Variants in SH3BP2 observed in about 807,000 individuals in gnomAD.
SH3BP2 encodes SH3 domain-binding protein 2.
A neutral mutation model predicts 56.2 loss-of-function variants in SH3BP2; 38 were observed. That is an observed-to-expected ratio of 0.68 (90% CI 0.52 to 0.89). SH3BP2 has a LOEUF of 0.89. SH3BP2 is among the 40% of genes least tolerant of loss of function. SH3BP2 has a pLI of 0.00. For synonymous variants in SH3BP2, 346 were observed against 316.7 expected (o/e 1.09, Z -0.98); for missense variants, 748 against 762.6 (o/e 0.98, Z 0.23).
intron 1 of SH3BP2, among the ~76,000 whole-genome samples, chr4:2,802,404 A>ATATGTGTG (rs1265150804): frequency 1.5e-5 from 2 of 135,976 alleles, no homozygotes; most frequent in African/African-American, 2.9e-5. Flanking sequence ...AAAAAAATAT[A>ATATGTGTG]TGTGTGTGTG....
chr4:2,826,886 C>T (rs569633921), intron 5 of SH3BP2: 23 of 508,902 alleles, frequency 4.5e-5, no homozygotes, highest in South Asian at 2.6e-4. Flanking sequence ...CATGTCTGCG[C>T]GTGTCCCTGT....
At chr4:2,793,739 C>T (rs968521998) in intron 1 of SH3BP2, 1 of 152,188 alleles carries the variant, frequency 6.6e-6, no homozygotes, top group East Asian at 1.9e-4. Flanking sequence ...CGCCCACTGG[C>T]GCTGATTCAC....
intron 2 of SH3BP2, among the ~76,000 whole-genome samples, chr4:2,821,199 A>C (rs1165760056): frequency 6.6e-6 from 1 of 152,236 alleles, no homozygotes; most frequent in Non-Finnish European, 1.5e-5. Context: ...AGGAAGAAGC[A>C]GCCCTCAGGC....
At chr4:2,827,205 C>T (rs746283538) in intron 5 of SH3BP2, 25 bp from the exon 6 acceptor site, 50 of 1,608,090 alleles carry the variant, frequency 3.1e-5, no homozygotes, top group African/African-American at 1.3e-4. Flanking sequence ...GCTCACCGTC[C>T]GCCCCAACGC....
chr4:2,813,386 G>C (rs1403074644), intron 1 of SH3BP2, among the ~76,000 whole-genome samples: 1 of 152,258 alleles, frequency 6.6e-6, no homozygotes, highest in Non-Finnish European at 1.5e-5. Flanking sequence ...CAAGGTGTTG[G>C]ATGATGGGGC....
rs749795334 is a variant in SH3BP2 at position 2,824,735 on chromosome 4, CTG to C, written c.357+6_357+7del. The stretch of plus-strand genomic sequence containing the variant: ...TCCTCCGAGGAGGAGCGCAAGGTGA[CTG>C]GGGGTCCGAGGACGAGTGCAAGGTG... On this transcript the variant is annotated splice_donor_region_variant and intron_variant, in intron 4 of 12. Coordinates refer to ENST00000503393, the MANE Select transcript of SH3BP2 (RefSeq NM_001122681.2). The C allele has an allele frequency of 1.9e-6, 3 of 1,601,756 alleles. No individual in the cohort carries two copies. Among genetic ancestry groups the C allele is most frequent in the South Asian group, 2.2e-5 (2 of 90,840 alleles).
intron 5 of SH3BP2, chr4:2,826,371 T>C (rs1724627683): frequency 5.8e-6 from 1 of 173,316 alleles, no homozygotes; most frequent in South Asian, 9.8e-5. Context: ...TCTGTGTTTG[T>C]GTGTGCATGT....
chr4:2,824,693 C>G lies in SH3BP2; in HGVS notation c.320C>G (p.Thr107Arg), dbSNP rs368951667. ...KIIHISKKHR[T>R]WFFSASSEEE... Reference sequence around the variant, plus strand: ...ATCCATATCAGCAAGAAGCACCGCACGTGGTTCTTCTCGGCCTCCTCCGAG... The same window carrying G: ...ATCCATATCAGCAAGAAGCACCGCAGGTGGTTCTTCTCGGCCTCCTCCGAG... The change falls in exon 4 of 13, where the codon ACG becomes AGG. Residue 107 changes from threonine (T) to arginine (R), a missense_variant. Transcript: ENST00000503393. The G allele has an allele frequency of 6.2e-7, 1 of 1,613,692 alleles. No individual in the cohort carries two copies. Among genetic ancestry groups the G allele is most frequent in the Non-Finnish European group, 8.5e-7 (1 of 1,179,820 alleles).
intron 1 of SH3BP2, chr4:2,796,418 G>GTT (rs1308660390): frequency 1.0e-6 from 1 of 985,360 alleles, no homozygotes; most frequent in Non-Finnish European, 1.2e-6. Context: ...GCCCTGCTTG[G>GTT]TTTCCCGGCC....
chr4:2,827,655 G>C lies in SH3BP2; in HGVS notation c.567G>C (p.Pro189=). The change falls in exon 7 of 13, where the codon CCG becomes CCC. Residue 189 remains proline, a synonymous_variant. Coordinates refer to ENST00000503393, the MANE Select transcript of SH3BP2 (RefSeq NM_001122681.2). ...EDDSYLEPDS[P]EPGRLEDALM... The stretch of plus-strand genomic sequence containing the variant: ...ACTCCTACCTGGAGCCTGACTCCCC[G>C]GAGCCCGGAAGGCTTGAGGGTAGGT... The C allele has an allele frequency of 6.3e-7, 1 of 1,594,864 alleles. No individual in the cohort carries two copies. The highest frequency in any genetic ancestry group is 8.5e-7 in the Non-Finnish European group (1 of 1,170,376).
chr4:2,799,623 G>A (rs1723177726), intron 1 of SH3BP2, among the ~76,000 whole-genome samples: 1 of 152,230 alleles, frequency 6.6e-6, no homozygotes, highest in African/African-American at 2.4e-5. Flanking sequence ...CTGGCATCAA[G>A]GGGACAGCTA....
chr4:2,799,691 G>A (rs1182799452), intron 1 of SH3BP2, among the ~76,000 whole-genome samples: 2 of 152,192 alleles, frequency 1.3e-5, no homozygotes, highest in African/African-American at 2.4e-5. Context: ...AGGCCCCCTC[G>A]AAGACCTACC....
intron 1 of SH3BP2, among the ~76,000 whole-genome samples, chr4:2,812,885 T>G (rs1723820406): frequency 6.6e-6 from 1 of 151,976 alleles, no homozygotes. Context: ...GTTTCTGTTG[T>G]GGGGGGGTAA....
chr4:2,833,692 C>G lies in SH3BP2; in HGVS notation c.1549-5C>G, dbSNP rs778144452. ...GCTGACGCTCCCCCTTCTCTTCCCC[C>G]ACAGGACTCTAAGTTCTACCTGGAG... On this transcript the variant is annotated splice_polypyrimidine_tract_variant and splice_region_variant and intron_variant, in intron 12 of 12. Transcript: ENST00000503393. The G allele has an allele frequency of 1.2e-6, 2 of 1,609,594 alleles. No individual in the cohort carries two copies. The highest frequency in any genetic ancestry group is 1.7e-5 in the Admixed American group (1 of 59,610).
At chr4:2,827,750 C>A in intron 7 of SH3BP2, 76 bp downstream of exon 7, 1 of 1,315,604 alleles carries the variant, frequency 7.6e-7, no homozygotes, top group Non-Finnish European at 1.1e-6. Context: ...AGAGCCCCTC[C>A]GAGGCTGGGG....
At position 2,829,297 on chromosome 4, in the gene SH3BP2, G is replaced by C. The variant is rs1371460453; in HGVS notation, c.587-196G>C. Among the ~76,000 whole-genome samples, 4 of 152,016 alleles carry C rather than the reference G, an allele frequency of 2.6e-5. No individual in the cohort carries two copies. Among genetic ancestry groups the C allele is most frequent in the African/African-American group, 9.7e-5 (4 of 41,382 alleles). On this transcript the variant is annotated intron_variant, in intron 7 of 12. Transcript: ENST00000503393. This position sits in a 1 kb window ranked among gnomAD's most constrained non-coding sequence, Gnocchi z 4.9. ...GCCATAGGGAGGATGAATGGGGAAG[G>C]CTGGGGGTGGTGGGTGGTCTGGGAC... is the stretch of plus-strand genomic sequence containing the variant.
intron 1 of SH3BP2, among the ~76,000 whole-genome samples, chr4:2,795,441 C>T (rs1055447814): frequency 1.3e-5 from 2 of 152,238 alleles, no homozygotes; most frequent in African/African-American, 2.4e-5. Context: ...TGCCCACCTC[C>T]CAAAGTGCTG....
chr4:2,818,610 C>T (rs1724126742), intron 1 of SH3BP2: 1 of 650,864 alleles, frequency 1.5e-6, no homozygotes, highest in Non-Finnish European at 2.0e-6. Context: ...CAGCTCCCCG[C>T]GGGCGGACTG....
Position 2,835,119 on chromosome 4 carries a change from C to T in SH3BP2, c.*1285C>T, listed in dbSNP as rs923667032. ...CAGGGAGGTAGGGGCTGGCAGGGAC[C>T]CTAGAATCCTTGTGATTTTTCTTAG... On this transcript the variant is annotated 3_prime_UTR_variant, in exon 13 of 13. Coordinates refer to ENST00000503393, the MANE Select transcript of SH3BP2 (RefSeq NM_001122681.2). 6.6e-5 allele frequency: 10 copies of T among 152,140 alleles called. No individual in the cohort carries two copies. Among genetic ancestry groups the T allele is most frequent in the African/African-American group, 2.2e-4 (9 of 41,414 alleles). The allele number at this position is 152,140 out of a possible 1,614,324, so 9.4% of individuals were successfully genotyped here.
Sources: gnomAD v4.1 joint callset for allele counts (sites outside exome capture counted in the v4.1 genomes callset) on GRCh38, gnomAD v4.1.1 for gene constraint, Gnocchi (gnomAD v3.1) non-coding constraint, MANE v1.5 for transcripts, NCBI Gene and HGNC (gene_info 2026-07-23, HGNC 2026-07-21) for gene names.